IL1RAPL2: variants seen among roughly 807,000 people sequenced by gnomAD.
IL1RAPL2 encodes the protein interleukin 1 receptor accessory protein like 2.
A neutral mutation model predicts 44.1 loss-of-function variants in IL1RAPL2; 3 were observed. That is an observed-to-expected ratio of 0.07 (90% CI 0.03 to 0.18). The LOEUF (loss-of-function observed/expected upper bound fraction) is 0.18. Ranked by LOEUF, IL1RAPL2 falls within the 10% of genes least tolerant of loss-of-function variation. The pLI is 1.00. For synonymous variants in IL1RAPL2, 181 were observed against 178.8 expected, an observed-to-expected ratio of 1.01 and a Z score of -0.10; for missense variants, 391 against 496.4, an observed-to-expected ratio of 0.79 and a Z score of 2.02.
At chrX:104,761,016 C>G (rs1477500500) in intron 2 of IL1RAPL2, among the ~76,000 whole-genome samples, 2 of 111,409 alleles carry the variant, frequency 1.8e-5, no homozygotes, top group African/African-American at 6.5e-5. Flanking sequence ...GTTTTCCCAG[C>G]AGAATTTATC....
intron 5 of IL1RAPL2, among the ~76,000 whole-genome samples, chrX:105,348,342 A>G (rs993614980): frequency 1.8e-5 from 2 of 111,374 alleles, no homozygotes; most frequent in Admixed American, 1.9e-4. Context: ...GGCTCTTCCA[A>G]TTAATAGCTT....
intron 2 of IL1RAPL2, among the ~76,000 whole-genome samples, chrX:105,126,709 G>A (rs2032978662): frequency 9.0e-6 from 1 of 111,243 alleles, no homozygotes; most frequent in Non-Finnish European, 1.9e-5. Flanking sequence ...ATTGAAATTA[G>A]TTGCGAAAAC....
At chrX:104,827,317 C>T (rs1379270624) in intron 2 of IL1RAPL2, among the ~76,000 whole-genome samples, 1 of 110,989 alleles carries the variant, frequency 9.0e-6, no homozygotes, top group Non-Finnish European at 1.9e-5. Flanking sequence ...TAAGGCAGGC[C>T]TGGTGGTGAC....
At chrX:104,577,281 G>A (rs1010627600) in intron 1 of IL1RAPL2, among the ~76,000 whole-genome samples, 5 of 111,915 alleles carry the variant, frequency 4.5e-5, no homozygotes, top group African/African-American at 1.6e-4. Flanking sequence ...GGGGGAAAGA[G>A]GTCATTAATA....
At chrX:105,029,273 T>C (rs2031434540) in intron 2 of IL1RAPL2, among the ~76,000 whole-genome samples, 1 of 107,147 alleles carries the variant, frequency 9.3e-6, no homozygotes, top group Non-Finnish European at 1.9e-5. Context: ...TATTATACTT[T>C]AAGTTTTAGG....
intron 2 of IL1RAPL2, among the ~76,000 whole-genome samples, chrX:104,746,017 A>T (rs781609748): frequency 9.0e-6 from 1 of 111,644 alleles, no homozygotes. Context: ...ATCATTTAAG[A>T]TATTGTAAAA....
chrX:104,582,888 T>C (rs1027688603), intron 1 of IL1RAPL2, among the ~76,000 whole-genome samples: 4 of 90,418 alleles, frequency 4.4e-5, no homozygotes, highest in East Asian at 3.4e-4. Context: ...TCTTTTCTTT[T>C]CTTTCCTTTC....
intron 5 of IL1RAPL2, among the ~76,000 whole-genome samples, chrX:105,353,359 T>C (rs1246201261): frequency 9.0e-6 from 1 of 111,480 alleles, no homozygotes; most frequent in Non-Finnish European, 1.9e-5. Flanking sequence ...TGAAGTCAGG[T>C]AGTGTGATGC....
intron 1 of IL1RAPL2, among the ~76,000 whole-genome samples, chrX:104,655,287 A>G (rs1220610572): frequency 1.8e-5 from 2 of 111,759 alleles, no homozygotes; most frequent in Non-Finnish European, 3.8e-5. Flanking sequence ...TTGCCCATTC[A>G]GTATGATATT....
At chrX:104,766,815 A>G (rs1322469429) in intron 2 of IL1RAPL2, among the ~76,000 whole-genome samples, 1 of 112,088 alleles carries the variant, frequency 8.9e-6, no homozygotes, top group Admixed American at 9.5e-5. Flanking sequence ...ATAAGCCGTT[A>G]TTGTTAGGCC....
intron 2 of IL1RAPL2, among the ~76,000 whole-genome samples, chrX:105,167,342 A>G (rs993314732): frequency 8.9e-6 from 1 of 112,552 alleles, no homozygotes; most frequent in African/African-American, 3.2e-5. Context: ...AGTCAGCTAT[A>G]TGGGCTGAGA....
intron 5 of IL1RAPL2, chrX:105,406,198 A>AGT (rs1187756000): frequency 4.4e-6 from 5 of 1,148,176 alleles, no homozygotes; most frequent in Non-Finnish European, 5.9e-6. Flanking sequence ...GGAGCACTTT[A>AGT]GTGAATAAAG....
Position 105,424,178 on chromosome X carries a change from G to A in IL1RAPL2, c.698-60135G>A, listed in dbSNP as rs188317319. 3.6e-5 allele frequency among the ~76,000 whole-genome samples: 4 copies of A among 112,380 alleles called. No individual in the cohort carries two copies. In the East Asian group the frequency reaches 8.5e-4, roughly 24 times the overall value. On this transcript the variant is annotated intron_variant, in intron 5 of 10. Coordinates refer to ENST00000372582, the MANE Select transcript of IL1RAPL2 (RefSeq NM_017416.2). The stretch of plus-strand genomic sequence containing the variant: ...GCACACCCGTGACACAGCTTCAGGA[G>A]GTCCTGATGACATGTGCCTAAGGTG...
chrX:104,607,721 A>AG (rs1219882702), intron 1 of IL1RAPL2, among the ~76,000 whole-genome samples: 2 of 112,039 alleles, frequency 1.8e-5, no homozygotes, highest in East Asian at 5.6e-4. Flanking sequence ...TCAAAAAGTC[A>AG]GGAAAAAAAA....
At chrX:105,380,067 A>G (rs1220986194) in intron 5 of IL1RAPL2, among the ~76,000 whole-genome samples, 2 of 112,177 alleles carry the variant, frequency 1.8e-5, no homozygotes, top group African/African-American at 6.5e-5. Flanking sequence ...GATAAATTAC[A>G]CAACCTGACT....
chrX:104,654,768 T>C (rs1055819572), intron 1 of IL1RAPL2, among the ~76,000 whole-genome samples: 4 of 111,415 alleles, frequency 3.6e-5, no homozygotes, highest in Non-Finnish European at 7.5e-5. Context: ...TTGGGCAGTA[T>C]GGCCATTTTC....
At chrX:104,597,547 T>C (rs1370921907) in intron 1 of IL1RAPL2, among the ~76,000 whole-genome samples, 1 of 111,336 alleles carries the variant, frequency 9.0e-6, no homozygotes, top group East Asian at 2.8e-4. Context: ...TGAGAGATGT[T>C]AATGACTGAT....
chrX:105,349,760 C>T (rs58046995), intron 5 of IL1RAPL2, among the ~76,000 whole-genome samples: 14,494 of 111,295 alleles, frequency 0.13, 2,296 homozygotes, highest in African/African-American at 0.45. Context: ...CTTCATAATC[C>T]ATCACATTCA....
intron 2 of IL1RAPL2, among the ~76,000 whole-genome samples, chrX:105,046,836 T>TGG (rs1556036882): frequency 1.2e-4 from 12 of 99,390 alleles, no homozygotes; most frequent in African/African-American, 4.5e-4. Context: ...TTTTTTTTTT[T>TGG]GGGGGGGTGC....
Sources: allele counts gnomAD v4.1 joint callset (sites outside exome capture counted in the v4.1 genomes callset), GRCh38; gene constraint gnomAD v4.1.1; transcripts MANE v1.5; gene names NCBI Gene and HGNC (gene_info 2026-07-23, HGNC 2026-07-21).